The following ZEB1 variants were observed in gnomAD, a reference collection of about 807,000 sequenced individuals.
ZEB1 encodes zinc finger E-box binding homeobox 1, also known as zinc finger E-box-binding homeobox 1.
Under a neutral mutation model 84.9 loss-of-function variants are expected in ZEB1, and 21 were observed. The ratio of observed to expected loss-of-function variants is 0.25; its 90% CI spans 0.18 to 0.36. The LOEUF (loss-of-function observed/expected upper bound fraction) is 0.36. Among genes scored for constraint, ZEB1 ranks in the 10% least tolerant of loss-of-function variants. ZEB1 has a pLI of 1.00. For missense variants in ZEB1, 1,104 were observed against 1,330.2 expected, an observed-to-expected ratio of 0.83 and a Z score of 2.65; for synonymous variants, 420 against 471.1, an observed-to-expected ratio of 0.89 and a Z score of 1.41.
chr10:31,433,157 T>A (rs2057922887), intron 1 of ZEB1, among the ~76,000 whole-genome samples: 1 of 152,226 alleles, frequency 6.6e-6, no homozygotes, highest in African/African-American at 2.4e-5. Context: ...GTGGGCCTTT[T>A]ACCCACTTAC....
intron 2 of ZEB1, among the ~76,000 whole-genome samples, chr10:31,461,579 T>C (rs1240363020): frequency 1.3e-5 from 2 of 152,124 alleles, no homozygotes; most frequent in African/African-American, 2.4e-5. Flanking sequence ...CATATAGATA[T>C]AGTGAAATTA....
Position 31,351,554 on chromosome 10 carries a change from C to A in ZEB1, c.58+32262C>A, listed in dbSNP as rs16932347. On this transcript the variant is annotated intron_variant, in intron 1 of 8. Transcript: ENST00000424869. ...TATTATAGCACCAAAATTGGAATTA[C>A]GCTAGATTATTTTCTCTCTGCTGTT... Among the ~76,000 whole-genome samples the A allele has an allele frequency of 9.2e-3, 1,403 of 152,036 alleles. 22 individuals are homozygous for A. Among genetic ancestry groups the A allele is most frequent in the African/African-American group, 0.032 (1,344 of 41,440 alleles).
intron 2 of ZEB1, among the ~76,000 whole-genome samples, chr10:31,488,335 G>A (rs1478903880): frequency 6.6e-6 from 1 of 150,848 alleles, no homozygotes; most frequent in African/African-American, 2.4e-5. Flanking sequence ...ACTTCTTTAG[G>A]TTTATGTTTA....
intron 1 of ZEB1, among the ~76,000 whole-genome samples, chr10:31,374,369 T>C (rs1453154151): frequency 6.6e-6 from 1 of 151,844 alleles, no homozygotes; most frequent in African/African-American, 2.4e-5. Context: ...TTCCAATGTT[T>C]ACAGTGAACT....
chr10:31,456,474 T>C (rs1300609138), intron 1 of ZEB1, among the ~76,000 whole-genome samples: 1 of 152,184 alleles, frequency 6.6e-6, no homozygotes, highest in Non-Finnish European at 1.5e-5. Context: ...TTCTAATGGT[T>C]AAAATTGTTT....
At chr10:31,416,830 C>T (rs371992694) in intron 1 of ZEB1, among the ~76,000 whole-genome samples, 1 of 152,066 alleles carries the variant, frequency 6.6e-6, no homozygotes, top group African/African-American at 2.4e-5. Context: ...ACCATAAAAG[C>T]CCCCAAAGTT....
At chr10:31,410,880 T>C (rs2054111713) in intron 1 of ZEB1, among the ~76,000 whole-genome samples, 1 of 152,210 alleles carries the variant, frequency 6.6e-6, no homozygotes, top group Admixed American at 6.5e-5. Context: ...ATTGTGTCTG[T>C]TTGATTCTTC....
chr10:31,409,492 G>A (rs1435887806), intron 1 of ZEB1, among the ~76,000 whole-genome samples: 1 of 151,806 alleles, frequency 6.6e-6, no homozygotes, highest in Non-Finnish European at 1.5e-5. Context: ...TTGGCTATAC[G>A]GGCTCTTTTT....
At chr10:31,343,566 T>G (rs2039766963) in intron 1 of ZEB1, among the ~76,000 whole-genome samples, 1 of 152,170 alleles carries the variant, frequency 6.6e-6, no homozygotes, top group Non-Finnish European at 1.5e-5. Flanking sequence ...TATCTTTGTT[T>G]TTGTGTGTGT....
chr10:31,423,569 A>T (rs2056513887), intron 1 of ZEB1, among the ~76,000 whole-genome samples: 1 of 152,138 alleles, frequency 6.6e-6, no homozygotes, highest in Non-Finnish European at 1.5e-5. Flanking sequence ...GTGTTACTAT[A>T]TAATGCAAAT....
At chr10:31,417,820 T>A (rs575543885) in intron 1 of ZEB1, among the ~76,000 whole-genome samples, 1 of 152,072 alleles carries the variant, frequency 6.6e-6, no homozygotes, top group Non-Finnish European at 1.5e-5. Context: ...ATTGAACATC[T>A]ACTATGTTCC....
At chr10:31,422,723 A>G (rs147871563) in intron 1 of ZEB1, among the ~76,000 whole-genome samples, 2 of 152,136 alleles carry the variant, frequency 1.3e-5, no homozygotes, top group African/African-American at 4.8e-5. Context: ...TGCTATGTGG[A>G]TATATTGTGT....
At chr10:31,481,659 A>G (rs908131666) in intron 2 of ZEB1, among the ~76,000 whole-genome samples, 2 of 152,028 alleles carry the variant, frequency 1.3e-5, no homozygotes, top group African/African-American at 2.4e-5. Context: ...CTCCATCTCA[A>G]AAAATGAATG....
At chr10:31,490,342 C>T (rs1305220386) in intron 2 of ZEB1, among the ~76,000 whole-genome samples, 1 of 151,486 alleles carries the variant, frequency 6.6e-6, no homozygotes, top group Admixed American at 6.6e-5. Flanking sequence ...TTATTATTGT[C>T]CTGCATTATC....
At chr10:31,324,604 C>A (rs532949631) in intron 1 of ZEB1, among the ~76,000 whole-genome samples, 1 of 152,072 alleles carries the variant, frequency 6.6e-6, no homozygotes, top group East Asian at 1.9e-4. Flanking sequence ...AAACTTGAAG[C>A]TGTAGAAATA....
intron 1 of ZEB1, among the ~76,000 whole-genome samples, chr10:31,341,637 G>A (rs1009208559): frequency 3.3e-5 from 5 of 152,136 alleles, no homozygotes; most frequent in Non-Finnish European, 7.4e-5. Flanking sequence ...TTTGCAGGAG[G>A]TGATTGAAAG....
At chr10:31,499,721 C>T (rs1308979155) in intron 3 of ZEB1, among the ~76,000 whole-genome samples, 3 of 151,534 alleles carry the variant, frequency 2.0e-5, no homozygotes, top group African/African-American at 4.9e-5. Flanking sequence ...GCCAAGATCG[C>T]GCCATTGCAC....
chr10:31,386,615 T>A (rs1006417195), intron 1 of ZEB1, among the ~76,000 whole-genome samples: 2 of 152,116 alleles, frequency 1.3e-5, no homozygotes, highest in African/African-American at 4.8e-5. Context: ...TCTAGTAGAT[T>A]GATTCTACTG....
At chr10:31,361,149 A>G (rs1361147033) in intron 1 of ZEB1, 101 of 1,611,890 alleles carry the variant, frequency 6.3e-5, no homozygotes, top group Non-Finnish European at 8.5e-5. Flanking sequence ...AAGAGTGGCA[A>G]CCAGAACCTC....
Sources: allele counts gnomAD v4.1 joint callset (sites outside exome capture counted in the v4.1 genomes callset), GRCh38; gene constraint gnomAD v4.1.1; transcripts MANE v1.5; gene names NCBI Gene and HGNC (gene_info 2026-07-23, HGNC 2026-07-21).